Variants in RUNX3 observed in about 807,000 individuals in gnomAD.
RUNX3 encodes runt-related transcription factor 3.
RUNX3 carries 10 observed loss-of-function variants against 27.7 expected under a neutral mutation model. The ratio of observed to expected loss-of-function variants is 0.36; its 90% CI spans 0.22 to 0.61. The LOEUF is 0.61. RUNX3 is among the 20% of genes least tolerant of loss of function. The probability of loss-of-function intolerance (pLI) is 0.72; values close to 1 mark genes in which losing one functional copy is unlikely to be tolerated. For missense variants in RUNX3, 469 were observed against 629.5 expected, an observed-to-expected ratio of 0.75 and a Z score of 2.73; for synonymous variants, 270 against 269.2, an observed-to-expected ratio of 1.00 and a Z score of -0.03.
chr1:24,949,736 G>A (rs1030524771), intron 2 of RUNX3, among the ~76,000 whole-genome samples: 7 of 152,258 alleles, frequency 4.6e-5, no homozygotes, highest in African/African-American at 1.2e-4. Context: ...CAGGGAGGCC[G>A]TCAGGAGCCC....
At position 24,902,050 on chromosome 1, in the gene RUNX3, G is replaced by A. The variant is rs994021593; in HGVS notation, c.*72C>T. ...AGGTCCCATTCCCGCCCGGAGCCTC[G>A]GAGCCGGCCCATCACTGGTCTTGAA... On this transcript the variant is annotated 3_prime_UTR_variant, in exon 5 of 5. Coordinates refer to ENST00000308873, the MANE Select transcript of RUNX3 (RefSeq NM_004350.3). This position sits in a 1 kb window ranked among gnomAD's most constrained non-coding sequence, Gnocchi z 9.2. 262 of 1,383,332 alleles carry A rather than the reference G, an allele frequency of 1.9e-4. No individual in the cohort carries two copies. Among genetic ancestry groups the A allele is most frequent in the Non-Finnish European group, 2.2e-4 (232 of 1,046,644 alleles). 85.7% of individuals were successfully genotyped at this position (1,383,332 alleles called of 1,614,324 possible). A position where few individuals can be genotyped will look rare whatever the true frequency, so the allele number is the denominator to read the frequency against.
chr1:24,959,508 C>T (rs1345554948), intron 2 of RUNX3, among the ~76,000 whole-genome samples: 1 of 152,098 alleles, frequency 6.6e-6, no homozygotes, highest in Non-Finnish European at 1.5e-5. Context: ...CCAGGGATGG[C>T]GGGGAGGGGG....
At chr1:24,945,066 G>T (rs1349421397) in intron 2 of RUNX3, among the ~76,000 whole-genome samples, 2 of 152,192 alleles carry the variant, frequency 1.3e-5, no homozygotes, top group African/African-American at 4.8e-5. Context: ...CTCACAGAAG[G>T]TCAGCTGCAG....
chr1:24,937,442 C>T (rs538984510), intron 2 of RUNX3, among the ~76,000 whole-genome samples: 13 of 152,324 alleles, frequency 8.5e-5, no homozygotes, highest in Admixed American at 3.3e-4. Flanking sequence ...TACCCAATCC[C>T]GGGGAGTAGG....
intron 3 of RUNX3, among the ~76,000 whole-genome samples, chr1:24,912,000 G>A (rs1009980901): frequency 1.1e-4 from 16 of 152,346 alleles, no homozygotes; most frequent in African/African-American, 3.4e-4. Flanking sequence ...GAGCCAAGGC[G>A]GCCCCACGTG....
In RUNX3 at chr1:24,943,102, T is replaced by A. The variant is rs1449692682; in HGVS notation, c.59-13250A>T. Among the ~76,000 whole-genome samples, 1 of 152,250 alleles carries A rather than the reference T, an allele frequency of 6.6e-6. No individual in the cohort carries two copies. The highest frequency in any genetic ancestry group is 2.4e-5 in the African/African-American group (1 of 41,470). ...GGAGCCGAGCCGGGTGTCATTGATC[T>A]TGCCCGGTGTTCCAGCCACCAGGCG... On this transcript the variant is annotated intron_variant, in intron 2 of 6. Transcript: ENST00000338888. This position sits in a 1 kb window ranked among gnomAD's most constrained non-coding sequence, Gnocchi z 4.6.
rs1364671006 is a variant in RUNX3 at position 24,900,391 on chromosome 1, G to C, written c.*1731C>G. The stretch of plus-strand genomic sequence containing the variant: ...ACAACCAATGAAGAGCATTTTGTAG[G>C]GCAGATTTCTGCATCCACAGAGGCC... On this transcript the variant is annotated 3_prime_UTR_variant, in exon 5 of 5. Transcript: ENST00000308873. 3.9e-5 allele frequency: 6 copies of C among 152,342 alleles called. No individual in the cohort carries two copies. Among genetic ancestry groups the C allele is most frequent in the Non-Finnish European group, 7.3e-5 (5 of 68,068 alleles). The allele number at this position is 152,342 out of a possible 1,614,324, so 9.4% of individuals were successfully genotyped here. A position where few individuals can be genotyped will look rare whatever the true frequency, so the allele number is the denominator to read the frequency against.
intron 2 of RUNX3, 92 bp from the exon 3 acceptor site, chr1:24,919,436 TAACTG>T: frequency 3.7e-6 from 3 of 806,286 alleles, no homozygotes; most frequent in Non-Finnish European, 6.2e-6. Flanking sequence ...TGGAAGCCCC[TAACTG>T]TCAAGAAGGG....
chr1:24,946,747 G>T (rs528824999), intron 2 of RUNX3, among the ~76,000 whole-genome samples: 3 of 152,008 alleles, frequency 2.0e-5, no homozygotes, highest in Admixed American at 2.0e-4. Flanking sequence ...GAGAGGCTCC[G>T]GACACCGCCC....
At chr1:24,907,764 GCGGTGATCTAAACCTCTACAACACA>G (rs1571303389) in intron 3 of RUNX3, among the ~76,000 whole-genome samples, 1 of 136,340 alleles carries the variant, frequency 7.3e-6, no homozygotes, top group Non-Finnish European at 1.6e-5. Context: ...TCTACAACAC[GCGGTGATCTAAACCTCTACAACACA>G]CGGTGATCCA....
At position 24,927,443 on chromosome 1, in the gene RUNX3, A is replaced by G; in HGVS notation, c.439+131T>C. 3.7e-6 allele frequency: 3 copies of G among 817,898 alleles called. No homozygotes were observed. In the Admixed American group the frequency reaches 6.4e-5, roughly 18 times the overall value. 50.7% of individuals were successfully genotyped at this position (817,898 alleles called of 1,614,324 possible). A position where few individuals can be genotyped will look rare whatever the true frequency, so the allele number is the denominator to read the frequency against. Reference sequence around the variant, plus strand: ...ATCTGTAATATCCTACAGGATTACAAATTGCTGTTTTTAGACAGAGCTGCA... The same window carrying G: ...ATCTGTAATATCCTACAGGATTACAGATTGCTGTTTTTAGACAGAGCTGCA... On this transcript the variant is annotated intron_variant, in intron 2 of 4. Transcript: ENST00000308873. This position sits in a 1 kb window ranked among gnomAD's most constrained non-coding sequence, Gnocchi z 5.0.
At chr1:24,922,856 C>T (rs1202775549) in intron 2 of RUNX3, among the ~76,000 whole-genome samples, 2 of 146,466 alleles carry the variant, frequency 1.4e-5, no homozygotes, top group South Asian at 2.3e-4. Flanking sequence ...CACTCCCTTT[C>T]TCTATTCCCT....
At chr1:24,965,048 A>G (rs1380519046), upstream of RUNX3, 3 of 175,100 alleles carry the variant, frequency 1.7e-5, no homozygotes, top group African/African-American at 7.1e-5. This position sits in a 1 kb window ranked among gnomAD's most constrained non-coding sequence, Gnocchi z 5.4. Flanking sequence ...TCTGGTGGGT[A>G]CGAGGGCGGC....
chr1:24,919,168 C>T, intron 3 of RUNX3, 72 bp downstream of exon 3: 7 of 925,786 alleles, frequency 7.6e-6, no homozygotes, highest in Non-Finnish European at 1.2e-5. Context: ...ATCTGTCTGA[C>T]CTAGCTGCTG....
chr1:24,908,290 T>TGATCCAAACCTCTACGACACAC (rs1557837490), intron 3 of RUNX3, among the ~76,000 whole-genome samples: 206 of 145,802 alleles, frequency 1.4e-3, no homozygotes, highest in African/African-American at 5.0e-3. Flanking sequence ...CTACGACATG[T>TGATCCAAACCTCTACGACACAC]GGTGATCCAA....
At chr1:24,949,196 A>C (rs960869708) in intron 2 of RUNX3, among the ~76,000 whole-genome samples, 2 of 152,006 alleles carry the variant, frequency 1.3e-5, no homozygotes, top group Admixed American at 6.6e-5. Context: ...ATTCTCTAAC[A>C]GCCTGAGAGG....
rs1640531303 is a variant in RUNX3 at position 24,901,015 on chromosome 1, TTGTTTTTTTTTTG to T, written c.*1094_*1106del. The T allele has an allele frequency of 6.7e-6, 1 of 150,212 alleles. No homozygotes were observed. The highest frequency in any genetic ancestry group is 2.5e-5 in the African/African-American group (1 of 39,770). The allele number at this position is 150,212 out of a possible 1,614,324, so 9.3% of individuals were successfully genotyped here. ...TCTAAAATCAGTTTTAAAAACTGTT[TTGTTTTTTTTTTG>T]TTTTTTTGTTTTTTTTTTTTTTTTG... On this transcript the variant is annotated 3_prime_UTR_variant, in exon 5 of 5. Coordinates refer to ENST00000308873, the MANE Select transcript of RUNX3 (RefSeq NM_004350.3).
At position 24,916,301 on chromosome 1, in the gene RUNX3, C is replaced by T. The variant is rs1477845667; in HGVS notation, c.544+2939G>A. Among the ~76,000 whole-genome samples the T allele has an allele frequency of 6.6e-6, 1 of 152,220 alleles. No individual in the cohort carries two copies. Among genetic ancestry groups the T allele is most frequent in the Non-Finnish European group, 1.5e-5 (1 of 68,040 alleles). On this transcript the variant is annotated intron_variant, in intron 3 of 4. Transcript: ENST00000308873. The surrounding 1 kb of genome is among the most constrained non-coding windows in gnomAD (Gnocchi z 4.8). ...CGGTAAACTCAGTCAACCTTCACAG[C>T]GACTCCCCTAGGCAGACACCAATAC...
At chr1:24,951,582 G>T (rs1168886160) in intron 2 of RUNX3, among the ~76,000 whole-genome samples, 4 of 152,182 alleles carry the variant, frequency 2.6e-5, no homozygotes, top group African/African-American at 9.7e-5. Flanking sequence ...CCCTTGAGTC[G>T]CTCCAGCCTC....
Sources: gnomAD v4.1 joint callset for allele counts (sites outside exome capture counted in the v4.1 genomes callset) on GRCh38, gnomAD v4.1.1 for gene constraint, Gnocchi (gnomAD v3.1) non-coding constraint, MANE v1.5 for transcripts, NCBI Gene and HGNC (gene_info 2026-07-23, HGNC 2026-07-21) for gene names.